Variants in CORO1C observed in about 807,000 individuals in gnomAD.
The protein encoded by CORO1C is coronin-1C.
A neutral mutation model predicts 51.2 loss-of-function variants in CORO1C; 14 were observed. The observed-to-expected ratio is 0.27, with a 90% CI of 0.18 to 0.43. The LOEUF (loss-of-function observed/expected upper bound fraction) is 0.43, where lower values mean the gene tolerates loss of function less well. Among genes scored for constraint, CORO1C ranks in the 20% least tolerant of loss-of-function variants. The probability of loss-of-function intolerance (pLI) is 1.00; values close to 1 mark genes in which losing one functional copy is unlikely to be tolerated. For missense variants in CORO1C, 417 were observed against 607.8 expected (o/e 0.69, Z 3.30); for synonymous variants, 181 against 210.5 (o/e 0.86, Z 1.21).
At chr12:108,661,449 T>C (rs1439838829) in intron 4 of CORO1C, among the ~76,000 whole-genome samples, 1 of 152,238 alleles carries the variant, frequency 6.6e-6, no homozygotes, top group Non-Finnish European at 1.5e-5. Context: ...AAATAATTTA[T>C]GTATGTGCAC....
intron 1 of CORO1C, among the ~76,000 whole-genome samples, chr12:108,702,433 A>T (rs1246758693): frequency 6.6e-6 from 1 of 152,178 alleles, no homozygotes; most frequent in Non-Finnish European, 1.5e-5. Context: ...AAATTCGACT[A>T]AATCATCTGA....
chr12:108,724,012 A>G (rs1004589062), intron 1 of CORO1C, among the ~76,000 whole-genome samples: 1 of 152,258 alleles, frequency 6.6e-6, no homozygotes, highest in African/African-American at 2.4e-5. Flanking sequence ...CATTAAAAAT[A>G]GAAATCAAGT....
intron 2 of CORO1C, among the ~76,000 whole-genome samples, chr12:108,699,817 G>A (rs148304931): frequency 1.5e-4 from 23 of 152,182 alleles, no homozygotes; most frequent in African/African-American, 5.1e-4. Context: ...ATTCATCTTC[G>A]CCAATAAGAA....
chr12:108,647,479 G>T lies in CORO1C; in HGVS notation c.1349C>A (p.Ser450Tyr). The T allele has an allele frequency of 6.2e-7, 1 of 1,607,056 alleles. No homozygotes were observed. The highest frequency in any genetic ancestry group is 8.5e-7 in the Non-Finnish European group (1 of 1,174,088). Residue 450 changes from serine (S) to tyrosine (Y), a missense_variant, in exon 11 of 11, where the codon TCT (serine) becomes TAT (tyrosine). Physicochemically the swap from Ser to Tyr is moderately radical, Grantham distance 144. Transcript: ENST00000261401. Reference sequence around the variant, plus strand: ...TTGATTGCAGATTGTGTCTTTTATAGATTTGATCTCTTTTAAAATCTCATC... The same window carrying T: ...TTGATTGCAGATTGTGTCTTTTATATATTTGATCTCTTTTAAAATCTCATC... ...KLDEILKEIK[S>Y]IKDTICNQDE...
chr12:108,725,899 A>G (rs1040553896), intron 1 of CORO1C, among the ~76,000 whole-genome samples: 6 of 152,054 alleles, frequency 3.9e-5, no homozygotes, highest in African/African-American at 1.4e-4. Context: ...GTGATGGCGC[A>G]GTCTAGGCTC....
intron 3 of CORO1C, among the ~76,000 whole-genome samples, chr12:108,677,087 T>G (rs1336598935): frequency 1.3e-5 from 2 of 152,098 alleles, no homozygotes; most frequent in Non-Finnish European, 2.9e-5. Flanking sequence ...CCACAGCCAA[T>G]AGAGAGGAAA....
intron 1 of CORO1C, chr12:108,730,269 ATG>A (rs2035687639): frequency 6.6e-6 from 1 of 152,148 alleles, no homozygotes; most frequent in Non-Finnish European, 1.5e-5. Context: ...CAAATATAGG[ATG>A]TGTTTCTAAA....
chr12:108,671,500 A>G (rs908711030), intron 3 of CORO1C, among the ~76,000 whole-genome samples: 5 of 151,986 alleles, frequency 3.3e-5, no homozygotes, highest in Non-Finnish European at 7.4e-5. Flanking sequence ...GCAAGAAAAA[A>G]AAAAAAGACT....
intron 6 of CORO1C, among the ~76,000 whole-genome samples, chr12:108,655,311 C>A (rs1017516874): frequency 2.0e-5 from 3 of 152,138 alleles, no homozygotes; most frequent in Non-Finnish European, 4.4e-5. Context: ...ATCCAAAACA[C>A]TAGATTCTTC....
At chr12:108,648,502 G>A in intron 10 of CORO1C, 103 bp downstream of exon 10, 1 of 1,488,158 alleles carries the variant, frequency 6.7e-7, no homozygotes. Context: ...AAACCCCTGA[G>A]CACCCAGCTG....
At chr12:108,704,554 T>C (rs773690901) in intron 1 of CORO1C, among the ~76,000 whole-genome samples, 1 of 152,232 alleles carries the variant, frequency 6.6e-6, no homozygotes, top group Non-Finnish European at 1.5e-5. Context: ...TAGAAGTTCT[T>C]TTGCTACAAT....
Position 108,654,133 on chromosome 12 carries a change from A to G in CORO1C, c.855+173T>C, listed in dbSNP as rs375063128. On this transcript the variant is annotated intron_variant, in intron 7 of 10. Transcript: ENST00000261401. ...TCACTGCACAACTGGCAAGCTGCAC[A>G]CAGTCCAGTCTCAAGACCTAAAAAT... Among the ~76,000 whole-genome samples, 5 of 152,346 alleles carry G rather than the reference A, an allele frequency of 3.3e-5. No homozygotes were observed. The East Asian group carries it at 5.8e-4, about 18-fold the overall frequency.
intron 2 of CORO1C, among the ~76,000 whole-genome samples, chr12:108,694,492 T>C (rs1344867902): frequency 6.6e-6 from 1 of 152,154 alleles, no homozygotes; most frequent in Non-Finnish European, 1.5e-5. Context: ...ATAAGTTCAT[T>C]GTAAAAAAAT....
At chr12:108,679,304 G>GACCTCACCCATTAGCCAGTTCC (rs1221709061) in intron 2 of CORO1C, among the ~76,000 whole-genome samples, 3 of 151,822 alleles carry the variant, frequency 2.0e-5, no homozygotes, top group Non-Finnish European at 4.4e-5. Flanking sequence ...CACCAACTTA[G>GACCTCACCCATTAGCCAGTTCC]ACCTCACCCA....
chr12:108,704,832 G>A (rs1565931950), intron 1 of CORO1C, among the ~76,000 whole-genome samples: 1 of 152,198 alleles, frequency 6.6e-6, no homozygotes, highest in Non-Finnish European at 1.5e-5. Flanking sequence ...TAAGTGAGAA[G>A]CACAGCTGTA....
intron 1 of CORO1C, among the ~76,000 whole-genome samples, chr12:108,704,889 C>T (rs1036576413): frequency 4.6e-5 from 7 of 152,158 alleles, no homozygotes; most frequent in African/African-American, 1.4e-4. Flanking sequence ...CACTAAGTCT[C>T]CATTAAGTGT....
At chr12:108,691,435 T>C (rs1487903049) in intron 2 of CORO1C, among the ~76,000 whole-genome samples, 1 of 152,222 alleles carries the variant, frequency 6.6e-6, no homozygotes, top group Non-Finnish European at 1.5e-5. Flanking sequence ...CAGATACCTT[T>C]CTTTACCGGA....
At chr12:108,680,859 T>C (rs1592894612) in intron 2 of CORO1C, among the ~76,000 whole-genome samples, 1 of 152,330 alleles carries the variant, frequency 6.6e-6, no homozygotes, top group Non-Finnish European at 1.5e-5. Flanking sequence ...AAGATGGAGA[T>C]TTCACTTGCA....
In CORO1C at chr12:108,701,073, T is replaced by C. The variant is rs145963955; in HGVS notation, c.195+51A>G. 2.6e-4 allele frequency: 415 copies of C among 1,577,116 alleles called. 1 individual carries two copies. Among genetic ancestry groups the C allele is most frequent in the Middle Eastern group, 1.3e-3 (7 of 5,394 alleles). On this transcript the variant is annotated intron_variant, in intron 2 of 10. Transcript: ENST00000261401. ...AACTGTCAATCTATTAAGGAAAAAG[T>C]ATGGAGACTATCAGAGGGTGTCTAC...
Sources: allele counts gnomAD v4.1 joint callset (sites outside exome capture counted in the v4.1 genomes callset), GRCh38; gene constraint gnomAD v4.1.1; transcripts MANE v1.5; gene names NCBI Gene and HGNC (gene_info 2026-07-23, HGNC 2026-07-21).